Variants in C7 observed in about 807,000 individuals in gnomAD.
The protein encoded by C7 is complement C7.
In C7, 83 loss-of-function variants were observed where a neutral mutation model predicts 104.8. The observed-to-expected ratio is 0.79, with a 90% CI of 0.66 to 0.95. C7 has a LOEUF of 0.95. Among genes scored for constraint, C7 ranks in the 40% least tolerant of loss-of-function variants. C7 has a pLI of 0.00. For synonymous variants in C7, 415 were observed against 360.6 expected, an observed-to-expected ratio of 1.15 and a Z score of -1.71; for missense variants, 1,070 against 1,011.2, an observed-to-expected ratio of 1.06 and a Z score of -0.79.
rs571588317 is a variant in C7 at position 40,930,362 on chromosome 5, C to T, written c.63-702C>T. Among the ~76,000 whole-genome samples the T allele has an allele frequency of 5.3e-5, 8 of 151,632 alleles. No individual in the cohort carries two copies. In the East Asian group the frequency reaches 7.8e-4, roughly 15 times the overall value. On this transcript the variant is annotated intron_variant, in intron 2 of 17. Coordinates refer to ENST00000313164, the MANE Select transcript of C7 (RefSeq NM_000587.4). ...CCGGGATTATAGGCATGCACCACCA[C>T]GCCTGGCTAATTTTTGTATTTTTAG...
intron 6 of C7, among the ~76,000 whole-genome samples, chr5:40,942,083 C>T (rs904129373): frequency 6.6e-6 from 1 of 152,110 alleles, no homozygotes; most frequent in African/African-American, 2.4e-5. Context: ...TGTTCACTGT[C>T]TGGTGAAATA....
intron 8 of C7, among the ~76,000 whole-genome samples, chr5:40,949,678 T>C (rs1356316671): frequency 6.6e-6 from 1 of 152,144 alleles, no homozygotes; most frequent in African/African-American, 2.4e-5. Flanking sequence ...CCTTTTTATG[T>C]AGAAATCTCT....
In C7 at chr5:40,984,431, A is replaced by G. The variant is rs1299164273; in HGVS notation, c.*2858A>G. Among the ~76,000 whole-genome samples, 1 of 152,148 alleles carries G rather than the reference A, an allele frequency of 6.6e-6. No individual in the cohort carries two copies. The highest frequency in any genetic ancestry group is 1.5e-5 in the Non-Finnish European group (1 of 68,022). On this transcript the variant is annotated 3_prime_UTR_variant, in exon 18 of 18. Transcript: ENST00000313164. ...TGCTGGGCAGATCATGGCTAATCTC[A>G]GCTTCACATGAGTCTTGTGAACCAT...
At chr5:40,935,676 G>A (rs1739797097) in intron 4 of C7, among the ~76,000 whole-genome samples, 1 of 152,156 alleles carries the variant, frequency 6.6e-6, no homozygotes, top group South Asian at 2.1e-4. Context: ...GGTATAAGAA[G>A]CTAGTAGGAG....
intron 15 of C7, among the ~76,000 whole-genome samples, chr5:40,972,904 G>GT (rs1187179205): frequency 1.3e-5 from 2 of 151,970 alleles, no homozygotes; most frequent in African/African-American, 2.4e-5. Flanking sequence ...TCTGTTTTTT[G>GT]TTTGTTTGTT....
rs375447543 is a variant in C7 at position 40,931,125 on chromosome 5, T to A, written c.124T>A (p.Cys42Ser). ...TGCCCCTTGGTCAGAATGCAATGGCTGTACCAAGACTCAGGTAGGACCATG... is the reference window on the plus strand; with the variant it reads ...TGCCCCTTGGTCAGAATGCAATGGCAGTACCAAGACTCAGGTAGGACCATG... Reference protein sequence around the residue: ...FYAPWSECNGCTKTQTRRRSV... With the variant: ...FYAPWSECNGSTKTQTRRRSV... The change falls in exon 3 of 18, where the codon TGT becomes AGT. Residue 42 changes from cysteine to serine, a missense_variant. By Grantham distance (112) the Cys-to-Ser change is moderately radical. Coordinates refer to ENST00000313164, the MANE Select transcript of C7 (RefSeq NM_000587.4). The A allele has an allele frequency of 3.7e-6, 6 of 1,613,004 alleles. No individual in the cohort carries two copies. Among genetic ancestry groups the A allele is most frequent in the Non-Finnish European group, 5.1e-6 (6 of 1,179,134 alleles).
intron 3 of C7, 22 bp from the exon 4 acceptor site, chr5:40,934,303 C>T (rs1739759225): frequency 6.5e-7 from 1 of 1,543,200 alleles, no homozygotes; most frequent in Non-Finnish European, 8.8e-7. Flanking sequence ...AACAAACAAA[C>T]CACTGCCTGC....
At chr5:40,948,345 G>T (rs949506742) in intron 8 of C7, among the ~76,000 whole-genome samples, 1 of 152,088 alleles carries the variant, frequency 6.6e-6, no homozygotes, top group Non-Finnish European at 1.5e-5. Context: ...CATGACAAGT[G>T]AGTTACATGT....
At chr5:40,930,931 G>T in intron 2 of C7, 133 bp from the exon 3 acceptor site, 4 of 679,562 alleles carry the variant, frequency 5.9e-6, no homozygotes, top group Non-Finnish European at 1.1e-5. Flanking sequence ...TATATTTTAG[G>T]ATCCTTTTAG....
chr5:40,948,648 G>C (rs571173854), intron 8 of C7, among the ~76,000 whole-genome samples: 2 of 152,246 alleles, frequency 1.3e-5, no homozygotes, highest in Admixed American at 1.3e-4. Flanking sequence ...ATATGGGCAG[G>C]GATGGTGGTG....
At chr5:40,938,966 C>A (rs1739872868) in intron 6 of C7, among the ~76,000 whole-genome samples, 1 of 152,168 alleles carries the variant, frequency 6.6e-6, no homozygotes, top group Admixed American at 6.5e-5. Context: ...AATTTCTGGT[C>A]TCATCGGGTG....
At chr5:40,960,212 T>G (rs1489611963) in intron 12 of C7, among the ~76,000 whole-genome samples, 1 of 152,204 alleles carries the variant, frequency 6.6e-6, no homozygotes, top group Non-Finnish European at 1.5e-5. Context: ...AGTTGATGAA[T>G]CATAGCCCTG....
chr5:40,962,346 G>A (rs1016689434), intron 13 of C7, among the ~76,000 whole-genome samples, 174 bp downstream of exon 13: 1 of 152,160 alleles, frequency 6.6e-6, no homozygotes, highest in Non-Finnish European at 1.5e-5. Flanking sequence ...TTGGCCCAAG[G>A]TGATGTGAAT....
chr5:40,952,149 C>T (rs1226652536), intron 9 of C7, among the ~76,000 whole-genome samples: 1 of 152,234 alleles, frequency 6.6e-6, no homozygotes, highest in South Asian at 2.1e-4. Context: ...TTAACAAACA[C>T]AGGGCACCTA....
At chr5:40,922,039 A>AAAAC (rs200654306) in intron 1 of C7, among the ~76,000 whole-genome samples, 8,174 of 137,710 alleles carry the variant, frequency 0.059, 584 homozygotes, top group East Asian at 0.34. Flanking sequence ...CTCTGTCTCA[A>AAAAC]AAACAAACAA....
intron 6 of C7, among the ~76,000 whole-genome samples, chr5:40,940,986 C>A (rs192686694): frequency 1.3e-5 from 2 of 150,892 alleles, no homozygotes; most frequent in East Asian, 2.0e-4. Context: ...ATATGTATAT[C>A]GTGTCTCATT....
At chr5:40,971,592 TA>T (rs1318432953) in intron 14 of C7, among the ~76,000 whole-genome samples, 1 of 152,192 alleles carries the variant, frequency 6.6e-6, no homozygotes, top group East Asian at 1.9e-4. Flanking sequence ...TTAGTTTAAT[TA>T]GATCCCATTT....
At chr5:40,911,220 C>T (rs1297227801) in intron 1 of C7, 1 of 152,130 alleles carries the variant, frequency 6.6e-6, no homozygotes, top group Non-Finnish European at 1.5e-5. Flanking sequence ...GAAGGACATG[C>T]TTTGGTGATA....
At chr5:40,913,091 A>G (rs890721638) in intron 1 of C7, among the ~76,000 whole-genome samples, 3 of 152,194 alleles carry the variant, frequency 2.0e-5, no homozygotes, top group Non-Finnish European at 2.9e-5. Context: ...ACTTAATATA[A>G]TGGCCTCTAG....
Sources: allele counts gnomAD v4.1 joint callset (sites outside exome capture counted in the v4.1 genomes callset), GRCh38; gene constraint gnomAD v4.1.1; transcripts MANE v1.5; gene names NCBI Gene and HGNC (gene_info 2026-07-23, HGNC 2026-07-21).